The following HPR variants were observed in gnomAD, a reference collection of about 807,000 sequenced individuals.
The protein encoded by HPR is haptoglobin-related protein, also known as Haptoglobin-related locus.
In HPR, 17 loss-of-function variants were observed where a neutral mutation model predicts 18.5. That is an observed-to-expected ratio of 0.92 (90% CI 0.63 to 1.38). The LOEUF is 1.38. Among genes scored for constraint, HPR ranks in the 40% most tolerant of loss-of-function variants. The pLI is 0.00. For synonymous variants in HPR, 176 were observed against 165.0 expected (o/e 1.07, Z -0.51); for missense variants, 457 against 432.4 (o/e 1.06, Z -0.51).
chr16:72,074,602 A>T (rs2041697663), intron 3 of HPR: 1 of 718,178 alleles, frequency 1.4e-6, no homozygotes. Context: ...AGGGGAGGTG[A>T]TGCCATGCAG....
chr16:72,074,061 T>G (rs534608114), intron 2 of HPR, 84 bp downstream of exon 2: 1 of 1,562,696 alleles, frequency 6.4e-7, no homozygotes, highest in South Asian at 1.1e-5. Flanking sequence ...ATTCTTTCTT[T>G]GAGAACACAC....
intron 1 of HPR, among the ~76,000 whole-genome samples, chr16:72,072,497 C>T (rs1369677886): frequency 6.6e-6 from 1 of 152,212 alleles, no homozygotes; most frequent in Non-Finnish European, 1.5e-5. Flanking sequence ...GGTGGGATCA[C>T]ACCAAAAGCA....
At chr16:72,069,104 T>G (rs1475782010) in intron 1 of HPR, among the ~76,000 whole-genome samples, 1 of 152,148 alleles carries the variant, frequency 6.6e-6, no homozygotes, top group Non-Finnish European at 1.5e-5. Flanking sequence ...CTGCCCAAAC[T>G]TGTGAACTGT....
chr16:72,066,799 G>T (rs926723578), intron 1 of HPR, among the ~76,000 whole-genome samples: 1 of 152,138 alleles, frequency 6.6e-6, no homozygotes, highest in African/African-American at 2.4e-5. Flanking sequence ...AGCTCAAAAG[G>T]TGTATGTGAG....
chr16:72,065,730 C>G (rs144264920), intron 1 of HPR, among the ~76,000 whole-genome samples: 160 of 152,206 alleles, frequency 1.1e-3, no homozygotes, highest in Middle Eastern at 6.8e-3. Flanking sequence ...AAGAACTAGA[C>G]TATGCTCTTT....
At chr16:72,070,194 G>C (rs1208064037) in intron 1 of HPR, among the ~76,000 whole-genome samples, 1 of 152,198 alleles carries the variant, frequency 6.6e-6, no homozygotes, top group Admixed American at 6.5e-5. Flanking sequence ...TCCTCAGAGA[G>C]ATACTGGCCT....
Position 72,073,825 on chromosome 16 carries a change from T to G in HPR, c.6-67T>G, listed in dbSNP as rs547523742. The G allele has an allele frequency of 1.9e-6, 3 of 1,610,826 alleles. No individual in the cohort carries two copies. The African/African-American group carries it at 4.0e-5, about 21-fold the overall frequency. ...GTGTGTGTGTACATGCCTGTGTGTG[T>G]GGATGCATGCATGTGCTGTGAAGCA... On this transcript the variant is annotated intron_variant, in intron 1 of 4. Transcript: ENST00000540303.
At position 72,076,433 on chromosome 16, in the gene HPR, G is replaced by C. The variant is rs568273668; in HGVS notation, c.399G>C (p.Leu133=). Residue 133 remains leucine, a synonymous_variant, in exon 5 of 5, where the codon CTG becomes CTC. Transcript: ENST00000540303. ...ATAATCTCACCACAGGGGCCACGCT[G>C]ATCAATGAACAATGGCTGCTGACCA... The part of the protein sequence containing the change: ...SHHNLTTGAT[L]INEQWLLTTA... The C allele has an allele frequency of 2.8e-5, 45 of 1,614,192 alleles. No individual in the cohort carries two copies. The South Asian group carries it at 4.8e-4, about 17-fold the overall frequency.
intron 1 of HPR, among the ~76,000 whole-genome samples, chr16:72,067,415 C>A (rs1422748337): frequency 2.0e-5 from 3 of 152,152 alleles, no homozygotes; most frequent in Non-Finnish European, 4.4e-5. Flanking sequence ...GACTAAACAA[C>A]CCAGGTTCAA....
intron 1 of HPR, among the ~76,000 whole-genome samples, chr16:72,069,888 A>T (rs1267216213): frequency 2.0e-5 from 3 of 152,204 alleles, no homozygotes; most frequent in East Asian, 3.9e-4. Context: ...CCCACACTCA[A>T]ATGCAACCAC....
intron 1 of HPR, among the ~76,000 whole-genome samples, chr16:72,072,712 T>C (rs1361960710): frequency 2.6e-5 from 4 of 152,166 alleles, no homozygotes; most frequent in African/African-American, 4.8e-5. Context: ...CAAAAGCTCA[T>C]TGAAACAGCT....
intron 1 of HPR, among the ~76,000 whole-genome samples, chr16:72,066,696 C>A (rs1297492407): frequency 1.3e-5 from 2 of 152,070 alleles, no homozygotes; most frequent in Non-Finnish European, 2.9e-5. Flanking sequence ...TGTTAAAGAT[C>A]CATTTTGTCA....
At chr16:72,063,622 T>C (rs568894442) in intron 1 of HPR, among the ~76,000 whole-genome samples, 11 of 152,322 alleles carry the variant, frequency 7.2e-5, no homozygotes, top group African/African-American at 2.6e-4. Flanking sequence ...TAGTAACACA[T>C]TTGAATGACA....
intron 1 of HPR, among the ~76,000 whole-genome samples, chr16:72,068,210 T>A (rs1228937291): frequency 4.6e-5 from 7 of 152,142 alleles, no homozygotes; most frequent in Admixed American, 6.6e-5. Context: ...TTTTTGACCA[T>A]CTACAGTTCG....
At position 72,074,310 on chromosome 16, in the gene HPR, A is replaced by G; in HGVS notation, c.118A>G (p.Ile40Val). 1 of 1,614,038 alleles carries G rather than the reference A, an allele frequency of 6.2e-7. No homozygotes were observed. Among genetic ancestry groups the G allele is most frequent in the East Asian group, 2.2e-5 (1 of 44,822 alleles). Residue 40 changes from isoleucine to valine, a missense_variant, in exon 3 of 5, where the codon ATT becomes GTT. Physicochemically the swap from Ile to Val is conservative, Grantham distance 29 (BLOSUM62 3). Transcript: ENST00000540303. ...SDDRFPKPPEIANGYVEHLFR... is the reference protein window; with the variant it reads ...SDDRFPKPPEVANGYVEHLFR... The stretch of plus-strand genomic sequence containing the variant: ...TGACCGCTTCCCGAAGCCCCCTGAG[A>G]TTGCAAATGGCTATGTGGAGCACTT...
chr16:72,070,347 C>A (rs1212476042), intron 1 of HPR, among the ~76,000 whole-genome samples: 1 of 152,166 alleles, frequency 6.6e-6, no homozygotes, highest in Admixed American at 6.5e-5. Flanking sequence ...TAAAGGTCTC[C>A]TAGCACAGGC....
intron 2 of HPR, 137 bp from the exon 3 acceptor site, chr16:72,074,147 G>A (rs529390893): frequency 8.9e-6 from 11 of 1,239,232 alleles, no homozygotes; most frequent in African/African-American, 5.8e-5. Context: ...GAAATGAGGG[G>A]AGCTTGAGCT....
chr16:72,074,411 G>A (rs747185046), intron 3 of HPR, 26 bp downstream of exon 3: 9 of 1,543,376 alleles, frequency 5.8e-6, no homozygotes, highest in Non-Finnish European at 8.1e-6. Context: ...CTATCTCTGT[G>A]CTCTACCTAC....
chr16:72,067,244 A>G (rs550227805), intron 1 of HPR, among the ~76,000 whole-genome samples: 13 of 152,288 alleles, frequency 8.5e-5, no homozygotes, highest in African/African-American at 3.1e-4. Flanking sequence ...GGACCTACAC[A>G]TGAGCTTATC....
Sources: allele counts gnomAD v4.1 joint callset (sites outside exome capture counted in the v4.1 genomes callset), GRCh38; gene constraint gnomAD v4.1.1; transcripts MANE v1.5; gene names NCBI Gene and HGNC (gene_info 2026-07-23, HGNC 2026-07-21).